The following PRDM4 variants were observed in gnomAD, a reference collection of about 807,000 sequenced individuals.
PRDM4 encodes the protein PR/SET domain 4, also known as PR domain zinc finger protein 4.
Under a neutral mutation model 62.3 loss-of-function variants are expected in PRDM4, and 38 were observed. The ratio of observed to expected loss-of-function variants is 0.61; its 90% CI spans 0.47 to 0.80. The LOEUF (loss-of-function observed/expected upper bound fraction) is 0.80, where lower values mean the gene tolerates loss of function less well. Among genes scored for constraint, PRDM4 ranks in the 30% least tolerant of loss-of-function variants. The pLI, the probability that PRDM4 is intolerant of heterozygous loss-of-function variation, is 0.00. For synonymous variants in PRDM4, 339 were observed against 348.2 expected, an observed-to-expected ratio of 0.97 and a Z score of 0.30; for missense variants, 858 against 997.1, an observed-to-expected ratio of 0.86 and a Z score of 1.88.
At chr12:107,737,096 G>A (rs1030473052) in intron 11 of PRDM4, 8 of 152,064 alleles carry the variant, frequency 5.3e-5, no homozygotes, top group African/African-American at 1.9e-4. Flanking sequence ...ATGACCTGGG[G>A]AGTAAACATC....
intron 5 of PRDM4, among the ~76,000 whole-genome samples, chr12:107,746,784 C>T (rs1160195902): frequency 1.3e-5 from 2 of 152,078 alleles, no homozygotes; most frequent in African/African-American, 4.8e-5. Context: ...CATGCCCAGC[C>T]CCAGGTTTTA....
intron 4 of PRDM4, 54 bp downstream of exon 4, chr12:107,753,870 T>G: frequency 1.3e-6 from 2 of 1,517,042 alleles, no homozygotes; most frequent in African/African-American, 1.4e-5. Flanking sequence ...GATAAAAGTT[T>G]AAAAGCTGGC....
In PRDM4 at chr12:107,751,797, A is replaced by G; in HGVS notation, c.744T>C (p.Ala248=). Residue 248 remains alanine, a synonymous_variant, in exon 5 of 12, where the codon GCT becomes GCC. Transcript: ENST00000228437. ...DSVSNNLAAD[A]VGHGGVIPMH... ...TGGGTATCACACCACCATGTCCTAC[A>G]GCGTCTGCTGCAAGGTTGTTGCTCA... 1 of 1,614,226 alleles carries G rather than the reference A, an allele frequency of 6.2e-7. No homozygotes were observed. Among genetic ancestry groups the G allele is most frequent in the Middle Eastern group, 1.6e-4 (1 of 6,062 alleles).
In PRDM4 at chr12:107,741,092, G is replaced by A; in HGVS notation, c.1778C>T (p.Ser593Leu). The A allele has an allele frequency of 6.2e-7, 1 of 1,614,094 alleles. No individual in the cohort carries two copies. The highest frequency in any genetic ancestry group is 8.5e-7 in the Non-Finnish European group (1 of 1,180,022). The change falls in exon 10 of 12, where the codon TCA becomes TTA. Residue 593 changes from serine to leucine, a missense_variant. Transcript: ENST00000228437. ...AGAGATAAAAGCTTGGGGGCACATT[G>A]AGCACTTCCACTTCCTTTCTTTGCT... ...SHSKERKWKC[S>L]MCPQAFISPS...
At chr12:107,745,908 T>C (rs1890686081) in intron 6 of PRDM4, among the ~76,000 whole-genome samples, 1 of 152,236 alleles carries the variant, frequency 6.6e-6, no homozygotes, top group Non-Finnish European at 1.5e-5. Context: ...TGATCTAAAG[T>C]TGTGTCATAA....
rs199927482 is a variant in PRDM4, at chr12:107,760,461, T to G, written c.11+44A>C. On this transcript the variant is annotated intron_variant, in intron 2 of 11. Coordinates refer to ENST00000228437, the MANE Select transcript of PRDM4 (RefSeq NM_012406.4). ...GACCCTGGACACTCACTCGCCAGAG[T>G]TTCCAACGATGTCACCAGTGCTGAA... is the stretch of plus-strand genomic sequence containing the variant. 41 of 1,609,940 alleles carry G rather than the reference T, an allele frequency of 2.5e-5. No homozygotes were observed. The African/African-American group carries it at 4.7e-4, about 18-fold the overall frequency.
In PRDM4 at chr12:107,751,838, G is replaced by A; in HGVS notation, c.703C>T (p.Leu235=). 11 of 1,614,238 alleles carry A rather than the reference G, an allele frequency of 6.8e-6. No homozygotes were observed. The highest frequency in any genetic ancestry group is 8.5e-6 in the Non-Finnish European group (10 of 1,180,034). The change falls in exon 5 of 12, where the codon CTG becomes TTG. Residue 235 remains leucine (L), a synonymous_variant. Coordinates refer to ENST00000228437, the MANE Select transcript of PRDM4 (RefSeq NM_012406.4). ...IPNGSRSHEP[L]SVDSVSNNLA... Reference sequence around the variant, plus strand: ...TTGTTGCTCACAGAATCCACAGACAGAGGTTCATGACTTCTGGAGCCATTT... The same window carrying A: ...TTGTTGCTCACAGAATCCACAGACAAAGGTTCATGACTTCTGGAGCCATTT...
intron 5 of PRDM4, among the ~76,000 whole-genome samples, chr12:107,750,802 A>G (rs1046442725): frequency 6.6e-6 from 1 of 152,226 alleles, no homozygotes; most frequent in African/African-American, 2.4e-5. Context: ...ATTTACCCCT[A>G]TAACTCTCTA....
chr12:107,749,797 C>A (rs2136324567), intron 5 of PRDM4, among the ~76,000 whole-genome samples: 1 of 152,264 alleles, frequency 6.6e-6, no homozygotes, highest in African/African-American at 2.4e-5. Flanking sequence ...CCCCAACCCT[C>A]ACTCCCTAAA....
In PRDM4 at chr12:107,746,393, C is replaced by T. The variant is rs145422889; in HGVS notation, c.1158G>A (p.Ser386=). The change falls in exon 6 of 12, where the codon TCG becomes TCA. Residue 386 remains serine, a synonymous_variant. Transcript: ENST00000228437. Reference sequence around the variant, plus strand: ...TCACTGGTCCATGTTCGGGACAGTCCGAGGGATAGGCGCGGTCACACAGAG... The same window carrying T: ...TCACTGGTCCATGTTCGGGACAGTCTGAGGGATAGGCGCGGTCACACAGAG... ...WCTLCDRAYP[S]DCPEHGPVTF... 7.4e-5 allele frequency: 119 copies of T among 1,611,938 alleles called. 1 individual carries two copies. In the African/African-American group the frequency reaches 1.2e-3, roughly 16 times the overall value.
Position 107,746,294 on chromosome 12 carries a change from T to C in PRDM4, c.1257A>G (p.Ser419=). 6.2e-7 allele frequency: 1 copy of C among 1,614,060 alleles called. No individual in the cohort carries two copies. The highest frequency in any genetic ancestry group is 8.5e-7 in the Non-Finnish European group (1 of 1,179,988). ...SLPKQLVLRQ[S]IVGAEVGVWT... is the part of the protein sequence containing the mutation. Reference sequence around the variant, plus strand: ...TCTTACCAACTTCTGCTCCCACAATTGACTGACGGAGAACAAGCTGCTTTG... The same window carrying C: ...TCTTACCAACTTCTGCTCCCACAATCGACTGACGGAGAACAAGCTGCTTTG... The change falls in exon 6 of 12, where the codon TCA becomes TCG. Residue 419 remains serine, a synonymous_variant. Coordinates refer to ENST00000228437, the MANE Select transcript of PRDM4 (RefSeq NM_012406.4).
chr12:107,741,771 T>G (rs1260315957), intron 9 of PRDM4, among the ~76,000 whole-genome samples: 1 of 152,176 alleles, frequency 6.6e-6, no homozygotes, highest in Non-Finnish European at 1.5e-5. Context: ...AGAAAGCACT[T>G]GGTAAATACT....
chr12:107,746,794 A>G (rs1176475422), intron 5 of PRDM4, among the ~76,000 whole-genome samples: 1 of 152,076 alleles, frequency 6.6e-6, no homozygotes, highest in Non-Finnish European at 1.5e-5. Flanking sequence ...CCCAGGTTTT[A>G]ATTTAAATGC....
chr12:107,748,821 T>TA (rs1489070186), intron 5 of PRDM4, among the ~76,000 whole-genome samples: 1 of 152,200 alleles, frequency 6.6e-6, no homozygotes, highest in Non-Finnish European at 1.5e-5. Flanking sequence ...AATGTATACA[T>TA]AAATTATATC....
intron 2 of PRDM4, among the ~76,000 whole-genome samples, chr12:107,757,504 T>C (rs1187970523): frequency 1.3e-5 from 2 of 152,214 alleles, no homozygotes; most frequent in African/African-American, 4.8e-5. Flanking sequence ...TATCAGTATA[T>C]TAATGTCCTC....
At chr12:107,750,937 G>C (rs566208759) in intron 5 of PRDM4, among the ~76,000 whole-genome samples, 1 of 152,154 alleles carries the variant, frequency 6.6e-6, no homozygotes, top group Non-Finnish European at 1.5e-5. Flanking sequence ...CCAGGCCGGA[G>C]TGCAGTACTA....
intron 10 of PRDM4, 37 bp downstream of exon 10, chr12:107,740,909 T>G (rs969952388): frequency 1.3e-6 from 2 of 1,581,362 alleles, no homozygotes; most frequent in Non-Finnish European, 1.7e-6. Flanking sequence ...TTCTAATTGT[T>G]GCAAAAATTC....
chr12:107,741,795 T>A (rs1566093844), intron 9 of PRDM4, among the ~76,000 whole-genome samples: 1 of 152,218 alleles, frequency 6.6e-6, no homozygotes, highest in Non-Finnish European at 1.5e-5. Flanking sequence ...TTATAAGGCC[T>A]CTTTTGTAAG....
intron 5 of PRDM4, among the ~76,000 whole-genome samples, chr12:107,750,559 T>C (rs1476612143): frequency 6.6e-6 from 1 of 152,098 alleles, no homozygotes; most frequent in Non-Finnish European, 1.5e-5. Flanking sequence ...AAATAAGCAC[T>C]CAACATGTTT....
Sources: allele counts gnomAD v4.1 joint callset (sites outside exome capture counted in the v4.1 genomes callset), GRCh38; gene constraint gnomAD v4.1.1; transcripts MANE v1.5; gene names NCBI Gene and HGNC (gene_info 2026-07-23, HGNC 2026-07-21).